COL6A6: variants seen among roughly 807,000 people sequenced by gnomAD.
COL6A6 encodes the protein collagen type VI alpha 6 chain.
A neutral mutation model predicts 208.6 loss-of-function variants in COL6A6; 183 were observed. The observed-to-expected ratio is 0.88, with a 90% CI of 0.78 to 0.99. The LOEUF is 0.99. Ranked by LOEUF, COL6A6 falls within the 50% of genes least tolerant of loss-of-function variation. COL6A6 has a pLI of 0.00. For synonymous variants in COL6A6, 973 were observed against 1,011.8 expected (o/e 0.96, Z 0.73); for missense variants, 2,816 against 2,815.2 (o/e 1.00, Z -0.01).
At chr3:130,644,025 G>A (rs2065394001) in intron 31 of COL6A6, among the ~76,000 whole-genome samples, 1 of 152,064 alleles carries the variant, frequency 6.6e-6, no homozygotes, top group Admixed American at 6.6e-5. Flanking sequence ...AATGACTCAA[G>A]GGCAAATCCA....
At chr3:130,624,880 G>T (rs2064837800) in intron 24 of COL6A6, among the ~76,000 whole-genome samples, 1 of 152,116 alleles carries the variant, frequency 6.6e-6, no homozygotes, top group Non-Finnish European at 1.5e-5. Flanking sequence ...CCTTACTCCA[G>T]TAAGTTCACA....
At chr3:130,569,399 T>C (rs997841728) in intron 6 of COL6A6, among the ~76,000 whole-genome samples, 1 of 152,124 alleles carries the variant, frequency 6.6e-6, no homozygotes, top group African/African-American at 2.4e-5. Context: ...ACTGGGAATG[T>C]AGAGTAATGG....
Position 130,657,854 on chromosome 3 carries a change from A to G in COL6A6, c.5734-822A>G, listed in dbSNP as rs183625925. Among the ~76,000 whole-genome samples, 318 of 152,318 alleles carry G rather than the reference A, an allele frequency of 2.1e-3. 1 individual carries two copies. Among genetic ancestry groups the G allele is most frequent in the African/African-American group, 7.4e-3 (307 of 41,576 alleles). On this transcript the variant is annotated intron_variant, in intron 33 of 36. Transcript: ENST00000358511. ...TTAGGACAGGAGAATCACAGGGAAAAACTAAAATATCATCTGACTCATCTC... is the reference window on the plus strand; with the variant it reads ...TTAGGACAGGAGAATCACAGGGAAAGACTAAAATATCATCTGACTCATCTC...
intron 34 of COL6A6, among the ~76,000 whole-genome samples, chr3:130,659,124 A>C (rs1042208166): frequency 1.3e-5 from 2 of 152,244 alleles, no homozygotes; most frequent in Non-Finnish European, 2.9e-5. Flanking sequence ...GTTCACAGCC[A>C]CAAAGAAATG....
rs1178290635 is a variant in COL6A6, at chr3:130,570,993, G to T, written c.2577G>T (p.Val859=). 2 of 1,614,038 alleles carry T rather than the reference G, an allele frequency of 1.2e-6. No individual in the cohort carries two copies. Among genetic ancestry groups the T allele is most frequent in the African/African-American group, 1.3e-5 (1 of 75,068 alleles). ...GALKYADDPE[V]LFYLDDFGTK... Reference sequence around the variant, plus strand: ...TGAAGTATGCTGATGACCCAGAGGTGCTGTTTTATCTGGATGACTTTGGCA... The same window carrying T: ...TGAAGTATGCTGATGACCCAGAGGTTCTGTTTTATCTGGATGACTTTGGCA... The change falls in exon 7 of 37, where the codon GTG becomes GTT. Residue 859 remains valine, a synonymous_variant. Transcript: ENST00000358511.
In COL6A6 at chr3:130,581,573, A is replaced by T. The variant is rs2063421508; in HGVS notation, c.3560A>T (p.Asp1187Val). 1.2e-6 allele frequency: 2 copies of T among 1,606,220 alleles called. No homozygotes were observed. The highest frequency in any genetic ancestry group is 1.7e-5 in the Admixed American group (1 of 59,700). Reference protein sequence around the residue: ...TTAGESNCFVDVVVGFDVSTQ... With the variant: ...TTAGESNCFVVVVVGFDVSTQ... ...CTTTGAATCCTAGACTGTTTCGTGG[A>T]TGTTGTGGTGGGATTTGATGTCTCA... Residue 1187 changes from aspartate to valine, a missense_variant, in exon 9 of 37, where the codon GAT becomes GTT. Physicochemically the swap from Asp to Val is radical, Grantham distance 152. Transcript: ENST00000358511.
intron 8 of COL6A6, among the ~76,000 whole-genome samples, chr3:130,574,937 C>T (rs2063258553): frequency 6.6e-6 from 1 of 152,190 alleles, no homozygotes; most frequent in Non-Finnish European, 1.5e-5. Flanking sequence ...GGTAAGAAAC[C>T]TCCCTAGAGG....
intron 18 of COL6A6, among the ~76,000 whole-genome samples, chr3:130,595,807 G>A (rs926247497): frequency 1.3e-5 from 2 of 151,932 alleles, no homozygotes; most frequent in Non-Finnish European, 2.9e-5. Context: ...TATTTATATT[G>A]GGTCTATATT....
At chr3:130,612,155 T>C (rs560739657) in intron 23 of COL6A6, among the ~76,000 whole-genome samples, 1 of 152,246 alleles carries the variant, frequency 6.6e-6, no homozygotes, top group Non-Finnish European at 1.5e-5. Context: ...GGTATATATT[T>C]ACTACATTTT....
In COL6A6 at chr3:130,582,005, T is replaced by G. The variant is rs2063436167; in HGVS notation, c.3907T>G (p.Ser1303Ala). The G allele has an allele frequency of 6.2e-7, 1 of 1,610,568 alleles. No individual in the cohort carries two copies. The highest frequency in any genetic ancestry group is 8.5e-7 in the Non-Finnish European group (1 of 1,178,236). ...AARGKVVLLF[S>A]DGLDDDVEKL... ...ACTTTCTTAGGTGGTCCTTTTATTTTCAGATGGATTGGATGATGATGTTGA... is the reference window on the plus strand; with the variant it reads ...ACTTTCTTAGGTGGTCCTTTTATTTGCAGATGGATTGGATGATGATGTTGA... Residue 1303 changes from serine (S) to alanine (A), a missense_variant, in exon 10 of 37, where the codon TCA (serine) becomes GCA (alanine). By Grantham distance (99) the Ser-to-Ala change is moderately conservative (BLOSUM62 1). Coordinates refer to ENST00000358511, the MANE Select transcript of COL6A6 (RefSeq NM_001102608.3).
At chr3:130,524,649 T>A (rs1265946021) in intron 1 of COL6A6, among the ~76,000 whole-genome samples, 1 of 152,244 alleles carries the variant, frequency 6.6e-6, no homozygotes, top group Non-Finnish European at 1.5e-5. Context: ...TTTATTTATC[T>A]GTTTATTTTA....
chr3:130,552,662 A>G (rs967388533), intron 1 of COL6A6, among the ~76,000 whole-genome samples: 3 of 152,140 alleles, frequency 2.0e-5, no homozygotes, highest in Non-Finnish European at 4.4e-5. Context: ...TAGTATTCAT[A>G]TGTGCGAATT....
In COL6A6 at chr3:130,651,654, G is replaced by A. The variant is rs1030844636; in HGVS notation, c.5733+2092G>A. 7.2e-5 allele frequency among the ~76,000 whole-genome samples: 11 copies of A among 152,118 alleles called. No homozygotes were observed. In the East Asian group the frequency reaches 9.7e-4, roughly 13 times the overall value. On this transcript the variant is annotated intron_variant, in intron 33 of 36. Coordinates refer to ENST00000358511, the MANE Select transcript of COL6A6 (RefSeq NM_001102608.3). ...CAATAAAGTAGAAAAGAGTGGGGCCGGGCTATGCAAATAGAGTTGCTATGA... is the reference window on the plus strand; with the variant it reads ...CAATAAAGTAGAAAAGAGTGGGGCCAGGCTATGCAAATAGAGTTGCTATGA...
intron 33 of COL6A6, among the ~76,000 whole-genome samples, chr3:130,649,894 T>G (rs948452988): frequency 6.6e-6 from 1 of 152,188 alleles, no homozygotes; most frequent in Non-Finnish European, 1.5e-5. Context: ...ACTCCAAATT[T>G]GCTGTTCTAG....
chr3:130,571,389 A>G lies in COL6A6; in HGVS notation c.2973A>G (p.Lys991=). 6.5e-7 allele frequency: 1 copy of G among 1,547,342 alleles called. No homozygotes were observed. Among genetic ancestry groups the G allele is most frequent in the Non-Finnish European group, 8.7e-7 (1 of 1,148,832 alleles). ...DVTASVCNSS[K]VDCEIDKVDL... Reference sequence around the variant, plus strand: ...CAGCCAGTGTCTGCAACTCTTCAAAAGTAGGTAAGTTTTGCCAACTAAGTT... The same window carrying G: ...CAGCCAGTGTCTGCAACTCTTCAAAGGTAGGTAAGTTTTGCCAACTAAGTT... Residue 991 remains lysine (K), a synonymous_variant, in exon 7 of 37, where the codon AAA becomes AAG. Transcript: ENST00000358511.
chr3:130,565,528 A>G lies in COL6A6; in HGVS notation c.1196A>G (p.His399Arg), dbSNP rs1487965035. Residue 399 changes from histidine (H) to arginine (R), a missense_variant, in exon 4 of 37, where the codon CAC (histidine) becomes CGC (arginine). Transcript: ENST00000358511. ...AAGACCTTCGCTGACCTGGCTGCTC[A>G]CAACCAGACATTTCTGAAGAAGCTG... ...KLKTFADLAA[H>R]NQTFLKKLRN... 1.2e-6 allele frequency: 2 copies of G among 1,613,882 alleles called. No individual in the cohort carries two copies. Among genetic ancestry groups the G allele is most frequent in the Non-Finnish European group, 1.7e-6 (2 of 1,179,858 alleles).
chr3:130,610,695 G>T lies in COL6A6; in HGVS notation c.4799G>T (p.Gly1600Val). ...GTGAAAGGAGAAAAAGGAGGTGTGGGAAGTAAAGGTCCCCAGGTATGTAAT... is the reference window on the plus strand; with the variant it reads ...GTGAAAGGAGAAAAAGGAGGTGTGGTAAGTAAAGGTCCCCAGGTATGTAAT... Reference protein sequence around the residue: ...AGVKGEKGGVGSKGPQGPPGP... With the variant: ...AGVKGEKGGVVSKGPQGPPGP... The change falls in exon 23 of 37, where the codon GGA (glycine) becomes GTA (valine). Residue 1600 changes from glycine (G) to valine (V), a missense_variant. Transcript: ENST00000358511. 1 of 1,589,730 alleles carries T rather than the reference G, an allele frequency of 6.3e-7. No homozygotes were observed. Among genetic ancestry groups the T allele is most frequent in the Non-Finnish European group, 8.6e-7 (1 of 1,167,172 alleles).
At chr3:130,516,743 G>A (rs1710760534), upstream of COL6A6, among the ~76,000 whole-genome samples, 1 of 152,106 alleles carries the variant, frequency 6.6e-6, no homozygotes, top group African/African-American at 2.4e-5. Context: ...AAAGGGAGGA[G>A]TTTCTACAAC....
intron 31 of COL6A6, among the ~76,000 whole-genome samples, chr3:130,644,348 A>G (rs905033610): frequency 1.3e-5 from 2 of 152,190 alleles, no homozygotes; most frequent in South Asian, 2.1e-4. Context: ...CACAAGACAC[A>G]TGTGGCTTTG....
Sources: gnomAD v4.1 joint callset for allele counts (sites outside exome capture counted in the v4.1 genomes callset) on GRCh38, gnomAD v4.1.1 for gene constraint, MANE v1.5 for transcripts, NCBI Gene and HGNC (gene_info 2026-07-23, HGNC 2026-07-21) for gene names.